The following ZBTB20 variants were observed in gnomAD, a reference collection of about 807,000 sequenced individuals.
The protein encoded by ZBTB20 is zinc finger and BTB domain-containing protein 20.
In ZBTB20, 9 loss-of-function variants were observed where a neutral mutation model predicts 56.9. The ratio of observed to expected loss-of-function variants is 0.16; its 90% CI spans 0.10 to 0.28. The LOEUF (loss-of-function observed/expected upper bound fraction) is 0.28. Ranked by LOEUF, ZBTB20 falls within the 10% of genes least tolerant of loss-of-function variation. The pLI is 1.00. For synonymous variants in ZBTB20, 417 were observed against 420.7 expected, an observed-to-expected ratio of 0.99 and a Z score of 0.11; for missense variants, 655 against 1,003.0, an observed-to-expected ratio of 0.65 and a Z score of 4.69.
chr3:114,989,633 G>A (rs904725450), intron 2 of ZBTB20, among the ~76,000 whole-genome samples: 1 of 152,094 alleles, frequency 6.6e-6, no homozygotes, highest in Non-Finnish European at 1.5e-5. Flanking sequence ...TCCCAATTCT[G>A]TGAAGAAAGT....
chr3:114,319,154 TTC>T lies in ZBTB20; in HGVS notation c.*19849_*19850del, dbSNP rs1442133804. 1 of 151,770 alleles carries T rather than the reference TTC, an allele frequency of 6.6e-6. No individual in the cohort carries two copies. Among genetic ancestry groups the T allele is most frequent in the Non-Finnish European group, 1.5e-5 (1 of 67,936 alleles). The allele number at this position is 151,770 out of a possible 1,614,324, so 9.4% of individuals were successfully genotyped here. ...AGGGCAAACTTTTCGATTAGTTTTTTTCTTTTTTTTTTTTTAAATAATGTCTT... is the reference window on the plus strand; with the variant it reads ...AGGGCAAACTTTTCGATTAGTTTTTTTTTTTTTTTTTTTAAATAATGTCTT... On this transcript the variant is annotated 3_prime_UTR_variant, in exon 12 of 12. Coordinates refer to ENST00000675478, the MANE Select transcript of ZBTB20 (RefSeq NM_001348800.3).
intron 2 of ZBTB20, among the ~76,000 whole-genome samples, chr3:114,996,389 G>T (rs2079028004): frequency 6.6e-6 from 1 of 151,374 alleles, no homozygotes; most frequent in South Asian, 2.1e-4. Context: ...CCTGGTGTGT[G>T]ATGTTCCCCT....
intron 2 of ZBTB20, among the ~76,000 whole-genome samples, chr3:114,984,616 C>T (rs915792907): frequency 2.0e-5 from 3 of 152,056 alleles, no homozygotes; most frequent in Non-Finnish European, 4.4e-5. Flanking sequence ...TCTCTTCTCA[C>T]TCTTATTTCT....
intron 5 of ZBTB20, among the ~76,000 whole-genome samples, chr3:114,723,298 T>C (rs916935441): frequency 1.3e-5 from 2 of 152,212 alleles, no homozygotes; most frequent in Non-Finnish European, 2.9e-5. Context: ...TTTCCATAAT[T>C]CCACTTAACA....
intron 11 of ZBTB20, among the ~76,000 whole-genome samples, chr3:114,347,442 G>A (rs563854431): frequency 1.7e-4 from 26 of 152,068 alleles, no homozygotes; most frequent in African/African-American, 2.4e-4. Context: ...AAGTATCCCC[G>A]TGCTTTCTAG....
rs542866847 is a variant in ZBTB20, at chr3:114,660,034, T to C, written c.-295+33494A>G. On this transcript the variant is annotated intron_variant, in intron 6 of 11. Coordinates refer to ENST00000675478, the MANE Select transcript of ZBTB20 (RefSeq NM_001348800.3). Reference sequence around the variant, plus strand: ...GTTCCATGAAAAGACTTTGAAAAATTGTGCCTACTTTTGTTTCCTGCAGGA... The same window carrying C: ...GTTCCATGAAAAGACTTTGAAAAATCGTGCCTACTTTTGTTTCCTGCAGGA... Among the ~76,000 whole-genome samples, 34 of 152,086 alleles carry C rather than the reference T, an allele frequency of 2.2e-4. 1 individual carries two copies. The highest frequency in any genetic ancestry group is 1.6e-3 in the Admixed American group (25 of 15,276).
intron 2 of ZBTB20, among the ~76,000 whole-genome samples, chr3:115,021,179 T>TA (rs1560499369): frequency 6.6e-6 from 1 of 151,028 alleles, no homozygotes; most frequent in Non-Finnish European, 1.5e-5. Context: ...TTTTCTAAGT[T>TA]AAAGTCTTAA....
In ZBTB20 at chr3:114,333,044, A is replaced by T. The variant is rs2079318926; in HGVS notation, c.*5961T>A. 1 of 152,216 alleles carries T rather than the reference A, an allele frequency of 6.6e-6. No individual in the cohort carries two copies. The highest frequency in any genetic ancestry group is 1.5e-5 in the Non-Finnish European group (1 of 68,036). The allele number at this position is 152,216 out of a possible 1,614,324, so 9.4% of individuals were successfully genotyped here. On this transcript the variant is annotated 3_prime_UTR_variant, in exon 12 of 12. Transcript: ENST00000675478. ...CATTCCCAGGGATCGGCTAAGGTAC[A>T]TTGCTGACTGCTATAGACTCAGTGT...
chr3:114,878,921 G>A (rs2076297175), intron 4 of ZBTB20, among the ~76,000 whole-genome samples: 1 of 152,084 alleles, frequency 6.6e-6, no homozygotes, highest in Admixed American at 6.5e-5. Context: ...ATTATAACAA[G>A]CTATACAAAT....
chr3:114,439,633 T>C (rs908274537), intron 7 of ZBTB20, among the ~76,000 whole-genome samples: 1 of 152,176 alleles, frequency 6.6e-6, no homozygotes, highest in Non-Finnish European at 1.5e-5. Context: ...GTGAAATGAA[T>C]GTGGCCTCTT....
At chr3:114,418,849 C>G (rs2088848946) in intron 7 of ZBTB20, among the ~76,000 whole-genome samples, 1 of 152,030 alleles carries the variant, frequency 6.6e-6, no homozygotes, top group East Asian at 1.9e-4. Flanking sequence ...ATATGTTGCA[C>G]ATATTGGTTG....
intron 3 of ZBTB20, among the ~76,000 whole-genome samples, chr3:114,936,515 C>T (rs749771845): frequency 6.6e-6 from 1 of 151,780 alleles, no homozygotes; most frequent in African/African-American, 2.4e-5. Flanking sequence ...TTCAAATACA[C>T]GGTCAAAAAT....
At chr3:114,769,209 G>A (rs1274229) in intron 5 of ZBTB20, among the ~76,000 whole-genome samples, 2,180 of 152,160 alleles carry the variant, frequency 0.014, 58 homozygotes, top group African/African-American at 0.048. Flanking sequence ...AGTTAAGCCT[G>A]TGTTTTATTG....
chr3:115,056,503 C>T (rs1430134880), intron 2 of ZBTB20, among the ~76,000 whole-genome samples: 1 of 152,098 alleles, frequency 6.6e-6, no homozygotes, highest in Admixed American at 6.5e-5. Flanking sequence ...CACTGATACA[C>T]ATAAATACTT....
At chr3:114,552,081 T>G (rs556671310) in intron 6 of ZBTB20, among the ~76,000 whole-genome samples, 1 of 152,252 alleles carries the variant, frequency 6.6e-6, no homozygotes, top group African/African-American at 2.4e-5. Flanking sequence ...TGGGCATGGT[T>G]GCTCATGTCT....
chr3:114,363,709 A>AGT (rs2082111951), intron 10 of ZBTB20, among the ~76,000 whole-genome samples: 2 of 152,170 alleles, frequency 1.3e-5, no homozygotes, highest in South Asian at 4.2e-4. Context: ...ATTCTAATTG[A>AGT]GGCTGAGTCA....
intron 7 of ZBTB20, among the ~76,000 whole-genome samples, chr3:114,486,615 T>C (rs1338317559): frequency 6.6e-6 from 1 of 152,222 alleles, no homozygotes; most frequent in East Asian, 1.9e-4. Flanking sequence ...ACTTTTCTTA[T>C]GTGTCCTTGA....
intron 7 of ZBTB20, among the ~76,000 whole-genome samples, chr3:114,499,728 C>T (rs2043720084): frequency 6.6e-6 from 1 of 151,760 alleles, no homozygotes; most frequent in Non-Finnish European, 1.5e-5. Context: ...CATATAAAAT[C>T]GTGTTTTTTT....
chr3:114,524,073 T>G lies in ZBTB20; in HGVS notation c.-294-23682A>C, dbSNP rs184249076. 2.7e-3 allele frequency among the ~76,000 whole-genome samples: 416 copies of G among 152,246 alleles called. 3 individuals carry two copies. The highest frequency in any genetic ancestry group is 1.8e-3 in the Non-Finnish European group (124 of 68,020). ...GCACAGTTAAGTCAGAGAAGGTCAATGGTGTTAAAGGCGCATACAAGGAAA... is the reference window on the plus strand; with the variant it reads ...GCACAGTTAAGTCAGAGAAGGTCAAGGGTGTTAAAGGCGCATACAAGGAAA... On this transcript the variant is annotated intron_variant, in intron 6 of 11. Transcript: ENST00000675478.
Sources: gnomAD v4.1 joint callset for allele counts (sites outside exome capture counted in the v4.1 genomes callset) on GRCh38, gnomAD v4.1.1 for gene constraint, MANE v1.5 for transcripts, NCBI Gene and HGNC (gene_info 2026-07-23, HGNC 2026-07-21) for gene names.